The following AMPD1 variants were observed in gnomAD, a reference collection of about 807,000 sequenced individuals.
AMPD1 encodes adenosine monophosphate deaminase 1, also known as AMP deaminase 1.
In AMPD1, 74 loss-of-function variants were observed where a neutral mutation model predicts 82.9. The ratio of observed to expected loss-of-function variants is 0.89; its 90% CI spans 0.74 to 1.08. The LOEUF (loss-of-function observed/expected upper bound fraction) is 1.08. Ranked by LOEUF, AMPD1 falls within the 50% of genes least tolerant of loss-of-function variation. AMPD1 has a pLI of 0.00. For synonymous variants in AMPD1, 333 were observed against 320.5 expected, an observed-to-expected ratio of 1.04 and a Z score of -0.42; for missense variants, 881 against 924.5, an observed-to-expected ratio of 0.95 and a Z score of 0.61.
chr1:114,679,512 G>A, intron 7 of AMPD1, 67 bp downstream of exon 7: 2 of 1,588,822 alleles, frequency 1.3e-6, no homozygotes, highest in South Asian at 2.2e-5. Flanking sequence ...CTCTTTTCTT[G>A]TGCTTCTCAA....
intron 4 of AMPD1, among the ~76,000 whole-genome samples, chr1:114,685,825 T>G (rs1313937281): frequency 1.3e-5 from 2 of 152,132 alleles, no homozygotes; most frequent in Admixed American, 1.3e-4. Flanking sequence ...CCCCCTGCCA[T>G]TTAGAGAGCA....
rs1658190840 is a variant in AMPD1 at position 114,682,624 on chromosome 1, G to T, written c.547+1575C>A. ...GACGGAGTCTCCCTCTGTCGCCCAG[G>T]CTGGAGTGCAGTGGCGCGATCTCAG... On this transcript the variant is annotated intron_variant, in intron 5 of 15. Transcript: ENST00000520113. 2.0e-5 allele frequency among the ~76,000 whole-genome samples: 3 copies of T among 151,596 alleles called. No individual in the cohort carries two copies. The South Asian group carries it at 6.3e-4, about 32-fold the overall frequency.
At chr1:114,676,038 A>C (rs1177562617) in intron 10 of AMPD1, 35 bp from the exon 11 acceptor site, 1 of 1,611,448 alleles carries the variant, frequency 6.2e-7, no homozygotes, top group Non-Finnish European at 8.5e-7. Flanking sequence ...TAGGAGAAAA[A>C]AAGATTTTTA....
intron 5 of AMPD1, 89 bp downstream of exon 5, chr1:114,684,110 A>C: frequency 7.4e-7 from 1 of 1,358,576 alleles, no homozygotes; most frequent in Non-Finnish European, 1.0e-6. Context: ...TTTAGACTGG[A>C]TTACTTATAA....
chr1:114,673,224 C>T lies in AMPD1; in HGVS notation c.2134G>A (p.Gly712Arg). 6.2e-7 allele frequency: 1 copy of T among 1,614,128 alleles called. No individual in the cohort carries two copies. Among genetic ancestry groups the T allele is most frequent in the African/African-American group, 1.3e-5 (1 of 75,016 alleles). Residue 712 changes from glycine (G) to arginine (R), a missense_variant, in exon 16 of 16, where the codon GGA (glycine) becomes AGA (arginine). By Grantham distance (125) the Gly-to-Arg change is moderately radical (BLOSUM62 -2). Coordinates refer to ENST00000520113, the MANE Select transcript of AMPD1 (RefSeq NM_000036.3). ...GDNYLEEGPA[G>R]NDIRRTNVAQ... ...ACATTTGTCCTCCGGATATCATTTC[C>T]AGCAGGGCCTTCCTCAAGGTAATTG... is the stretch of plus-strand genomic sequence containing the variant.
intron 5 of AMPD1, among the ~76,000 whole-genome samples, chr1:114,681,608 A>G (rs1291243252): frequency 6.6e-6 from 1 of 151,674 alleles, no homozygotes; most frequent in Admixed American, 6.6e-5. Context: ...AAAAAAAAAA[A>G]AAGAGAAAAA....
chr1:114,686,807 G>T lies in AMPD1; in HGVS notation c.319C>A (p.Pro107Thr), dbSNP rs748578796. The T allele has an allele frequency of 3.1e-6, 5 of 1,614,168 alleles. No individual in the cohort carries two copies. In the South Asian group the frequency reaches 5.5e-5, roughly 18 times the overall value. ...SHIDEYISSS[P>T]TYQTVPDFQR... ...AAATCAGGCACGGTCTGGTAGGTTGGAGATGAGGAAATGTATTCATCAATG... is the reference window on the plus strand; with the variant it reads ...AAATCAGGCACGGTCTGGTAGGTTGTAGATGAGGAAATGTATTCATCAATG... Residue 107 changes from proline (P) to threonine (T), a missense_variant, in exon 4 of 16, where the codon CCA becomes ACA. Transcript: ENST00000520113.
At chr1:114,682,558 T>C (rs1413343358) in intron 5 of AMPD1, among the ~76,000 whole-genome samples, 1 of 151,924 alleles carries the variant, frequency 6.6e-6, no homozygotes, top group Non-Finnish European at 1.5e-5. Context: ...TTTAATAATA[T>C]TACAATTTGG....
At chr1:114,685,322 T>G (rs187646025) in intron 4 of AMPD1, among the ~76,000 whole-genome samples, 1 of 152,284 alleles carries the variant, frequency 6.6e-6, no homozygotes, top group East Asian at 1.9e-4. Flanking sequence ...TTCACCTTCA[T>G]GTTCTCAGCA....
intron 12 of AMPD1, 25 bp downstream of exon 12, chr1:114,675,505 C>T (rs1313543622): frequency 3.1e-6 from 5 of 1,612,448 alleles, no homozygotes; most frequent in Non-Finnish European, 4.2e-6. Flanking sequence ...ATAGACCCTC[C>T]TAGCTCCAGC....
At chr1:114,679,038 A>AT (rs1248686651) in intron 7 of AMPD1, among the ~76,000 whole-genome samples, 3 of 152,228 alleles carry the variant, frequency 2.0e-5, no homozygotes, top group East Asian at 3.8e-4. Flanking sequence ...CTCTGCTCAT[A>AT]TATTTCCTAT....
chr1:114,693,334 T>G (rs878972344), intron 2 of AMPD1, 102 bp downstream of exon 2: 1 of 1,187,976 alleles, frequency 8.4e-7, no homozygotes, highest in South Asian at 1.2e-5. Flanking sequence ...TATTATTTAA[T>G]AAACACTGCT....
At position 114,678,451 on chromosome 1, in the gene AMPD1, A is replaced by G; in HGVS notation, c.974T>C (p.Ile325Thr). ...GCTATAGACCACTCTGTCAGCATCA[A>G]TTTGGTAAGATTTCTTAATAAAACG... is the stretch of plus-strand genomic sequence containing the variant. ...LLRFIKKSYQIDADRVVYSTK... is the reference protein window; with the variant it reads ...LLRFIKKSYQTDADRVVYSTK... Residue 325 changes from isoleucine to threonine, a missense_variant, in exon 8 of 16, where the codon ATT becomes ACT. Transcript: ENST00000520113. 1 of 1,614,198 alleles carries G rather than the reference A, an allele frequency of 6.2e-7. No homozygotes were observed. Among genetic ancestry groups the G allele is most frequent in the Non-Finnish European group, 8.5e-7 (1 of 1,180,034 alleles).
Position 114,695,436 on chromosome 1 carries a change from C to T in AMPD1, c.22+14G>A. 6.2e-7 allele frequency: 1 copy of T among 1,612,240 alleles called. No homozygotes were observed. The highest frequency in any genetic ancestry group is 8.5e-7 in the Non-Finnish European group (1 of 1,179,548). On this transcript the variant is annotated intron_variant, in intron 1 of 15. Coordinates refer to ENST00000520113, the MANE Select transcript of AMPD1 (RefSeq NM_000036.3). ...CAACAACAACTGAGCTCTCCAAACACTTTGTACACCTACCTGGGAGTTTGA... is the reference window on the plus strand; with the variant it reads ...CAACAACAACTGAGCTCTCCAAACATTTTGTACACCTACCTGGGAGTTTGA...
In AMPD1 at chr1:114,688,629, A is replaced by G. The variant is rs1658391569; in HGVS notation, c.147T>C (p.Ile49=). The G allele has an allele frequency of 6.2e-7, 1 of 1,614,056 alleles. No homozygotes were observed. Among genetic ancestry groups the G allele is most frequent in the African/African-American group, 1.3e-5 (1 of 74,914 alleles). The part of the protein sequence containing the change: ...SPFDVDEICP[I]SHHEMQAHIF... ...TGTGTGCTTGCATCTCATGATGAGA[A>G]ATCGGACAGATCTCATCCACATCAA... is the stretch of plus-strand genomic sequence containing the variant. Residue 49 remains isoleucine (I), a synonymous_variant, in exon 3 of 16, where the codon ATT becomes ATC. Coordinates refer to ENST00000520113, the MANE Select transcript of AMPD1 (RefSeq NM_000036.3).
intron 2 of AMPD1, among the ~76,000 whole-genome samples, 157 bp downstream of exon 2, chr1:114,693,279 A>G (rs1022525647): frequency 3.3e-5 from 5 of 151,420 alleles, no homozygotes; most frequent in Non-Finnish European, 7.4e-5. Flanking sequence ...TTGCTATGCT[A>G]TGGGATATCT....
At chr1:114,689,057 G>A (rs1658431251) in intron 2 of AMPD1, 1 of 586,138 alleles carries the variant, frequency 1.7e-6, no homozygotes, top group Admixed American at 1.9e-5. Flanking sequence ...TTCTGGCAAG[G>A]CTAAGTTTGA....
chr1:114,681,828 T>TGTC (rs2101717999), intron 5 of AMPD1, among the ~76,000 whole-genome samples: 1 of 152,302 alleles, frequency 6.6e-6, no homozygotes, highest in East Asian at 1.9e-4. Flanking sequence ...TCCACCCTTA[T>TGTC]AGTATCATAC....
intron 12 of AMPD1, 131 bp downstream of exon 12, chr1:114,675,399 A>C: frequency 9.9e-7 from 1 of 1,005,192 alleles, no homozygotes; most frequent in Non-Finnish European, 1.5e-6. Context: ...GTTAAGAGAA[A>C]GAAATTTCTG....
Sources: gnomAD v4.1 joint callset for allele counts (sites outside exome capture counted in the v4.1 genomes callset) on GRCh38, gnomAD v4.1.1 for gene constraint, MANE v1.5 for transcripts, NCBI Gene and HGNC (gene_info 2026-07-23, HGNC 2026-07-21) for gene names.